Variants in CLIP1 observed in about 807,000 individuals in gnomAD.
CLIP1 encodes the protein CAP-Gly domain-containing linker protein 1.
CLIP1 carries 66 observed loss-of-function variants against 161.6 expected under a neutral mutation model. The observed-to-expected ratio is 0.41, with a 90% confidence interval of 0.33 to 0.50. The LOEUF (loss-of-function observed/expected upper bound fraction) is 0.50, where lower values mean the gene tolerates loss of function less well. Among genes scored for constraint, CLIP1 ranks in the 20% least tolerant of loss-of-function variants. CLIP1 has a pLI of 0.27. For missense variants in CLIP1, 1,376 were observed against 1,702.0 expected (o/e 0.81, Z 3.37); for synonymous variants, 598 against 626.2 (o/e 0.96, Z 0.67).
In CLIP1 at chr12:122,272,970, G is replaced by T. The variant is rs772128872; in HGVS notation, c.4222C>A (p.His1408Asn). The change falls in exon 26 of 26, where the codon CAC becomes AAC. Residue 1408 changes from histidine to asparagine, a missense_variant. Transcript: ENST00000620786. ...QMSEDPPHSTHHGSRGEERPY... is the reference protein window; with the variant it reads ...QMSEDPPHSTNHGSRGEERPY... ...CGTTCCTCACCCCGACTGCCATGGT[G>T]TGTGGAATGGGGAGGGTCCTCTGAC... 2 of 1,614,234 alleles carry T rather than the reference G, an allele frequency of 1.2e-6. No individual in the cohort carries two copies. Among genetic ancestry groups the T allele is most frequent in the East Asian group, 2.2e-5 (1 of 44,892 alleles).
chr12:122,373,449 T>C (rs1380929849), intron 3 of CLIP1, among the ~76,000 whole-genome samples: 1 of 143,056 alleles, frequency 7.0e-6, no homozygotes, highest in African/African-American at 2.6e-5. Flanking sequence ...AAAAAGTTAA[T>C]ATGGTAAATG....
At chr12:122,422,798 C>T (rs1300937486), upstream of CLIP1, among the ~76,000 whole-genome samples, 31 of 120,952 alleles carry the variant, frequency 2.6e-4, 1 homozygote, top group African/African-American at 7.4e-4. Context: ...GCCGCCCCGC[C>T]GCCTCTTTGT....
Position 122,299,899 on chromosome 12 carries a change from G to C in CLIP1, c.3594+9863C>G, listed in dbSNP as rs549252022. Among the ~76,000 whole-genome samples, 6 of 150,878 alleles carry C rather than the reference G, an allele frequency of 4.0e-5. No homozygotes were observed. The East Asian group carries it at 1.2e-3, about 29-fold the overall frequency. On this transcript the variant is annotated intron_variant, in intron 20 of 25. Transcript: ENST00000620786. ...CCACTGCACTCCAGCCTGGGCGACA[G>C]AGCAAGACTCTGTCTCAAAAAAAAA...
intron 3 of CLIP1, among the ~76,000 whole-genome samples, chr12:122,372,435 AGTCGG>A (rs1417052968): frequency 6.7e-6 from 1 of 149,778 alleles, no homozygotes; most frequent in Non-Finnish European, 1.5e-5. Context: ...AAAAAAAATT[AGTCGG>A]GTGTGGTGGT....
chr12:122,290,571 T>G (rs1956057890), intron 20 of CLIP1, among the ~76,000 whole-genome samples: 1 of 152,006 alleles, frequency 6.6e-6, no homozygotes. Flanking sequence ...ACTGGAAAAT[T>G]TTTACAATGA....
chr12:122,284,451 G>A (rs1226919905), intron 21 of CLIP1, among the ~76,000 whole-genome samples: 1 of 151,668 alleles, frequency 6.6e-6, no homozygotes, highest in Non-Finnish European at 1.5e-5. Context: ...ATCCCGGGTT[G>A]AAGCGATTCT....
At position 122,272,771 on chromosome 12, in the gene CLIP1, A is replaced by T; in HGVS notation, c.*104T>A. ...TTTCCTAGATTTGTTGACGGGGTTA[A>T]AAAATAACATGAGTTCTCCTGAAGT... On this transcript the variant is annotated 3_prime_UTR_variant, in exon 26 of 26. Coordinates refer to ENST00000620786, the MANE Select transcript of CLIP1 (RefSeq NM_001247997.2). The T allele has an allele frequency of 2.9e-6, 3 of 1,017,810 alleles. No homozygotes were observed. Among genetic ancestry groups the T allele is most frequent in the Non-Finnish European group, 4.5e-6 (3 of 667,776 alleles). 63.0% of individuals were successfully genotyped at this position (1,017,810 alleles called of 1,614,324 possible). A position where few individuals can be genotyped will look rare whatever the true frequency, so the allele number is the denominator to read the frequency against.
chr12:122,405,837 G>C (rs1956309256), intron 1 of CLIP1, among the ~76,000 whole-genome samples: 1 of 152,004 alleles, frequency 6.6e-6, no homozygotes, highest in African/African-American at 2.4e-5. Context: ...GGGAGGACAA[G>C]GCGAGCGGAT....
At chr12:122,398,190 C>T (rs982316862) in intron 1 of CLIP1, among the ~76,000 whole-genome samples, 3 of 149,218 alleles carry the variant, frequency 2.0e-5, no homozygotes, top group Admixed American at 1.3e-4. Context: ...CCAAGGCAGC[C>T]GGATCACCAG....
At position 122,276,343 on chromosome 12, in the gene CLIP1, A is replaced by T. The variant is rs1192923724; in HGVS notation, c.3966+1811T>A. On this transcript the variant is annotated intron_variant, in intron 24 of 25. Transcript: ENST00000620786. The stretch of plus-strand genomic sequence containing the variant: ...GTGTTAAGAGCTCCATTTCAGGAAG[A>T]AGAAAAAGCCACAAAATGGACATAA... 3.3e-6 allele frequency: 4 copies of T among 1,225,236 alleles called. No homozygotes were observed. In the African/African-American group the frequency reaches 6.4e-5, roughly 20 times the overall value. 75.9% of individuals were successfully genotyped at this position (1,225,236 alleles called of 1,614,324 possible).
chr12:122,357,721 G>A (rs1398552084), intron 5 of CLIP1, among the ~76,000 whole-genome samples: 10 of 147,784 alleles, frequency 6.8e-5, no homozygotes, highest in Non-Finnish European at 1.4e-4. Flanking sequence ...CAGCCGCCCC[G>A]TCCGGGAGGT....
chr12:122,343,631 C>T (rs1236451254), intron 10 of CLIP1: 1 of 152,178 alleles, frequency 6.6e-6, no homozygotes, highest in Non-Finnish European at 1.5e-5. Context: ...GTACATCTAA[C>T]CTGCAAGTTT....
At chr12:122,350,133 A>T (rs542807322) in intron 9 of CLIP1, among the ~76,000 whole-genome samples, 1 of 152,038 alleles carries the variant, frequency 6.6e-6, no homozygotes, top group South Asian at 2.1e-4. Context: ...TCAAACTCCT[A>T]ACCTTAGGTG....
At position 122,403,494 on chromosome 12, in the gene CLIP1, G is replaced by GT. The variant is rs1036910823; in HGVS notation, c.-107+19026dup. ...AATACAGTAGGAGACATCATTTCTT[G>GT]TTTTGTTTTTTTTTTTTTTTTTTTT... On this transcript the variant is annotated intron_variant, in intron 1 of 25. Transcript: ENST00000620786. 5.5e-3 allele frequency among the ~76,000 whole-genome samples: 304 copies of GT among 55,762 alleles called. 1 individual carries two copies. The highest frequency in any genetic ancestry group is 0.012 in the African/African-American group (255 of 20,880). 36.6% of individuals were successfully genotyped at this position (55,762 alleles called of 152,430 possible).
chr12:122,341,748 G>C, intron 10 of CLIP1, 51 bp from the exon 11 acceptor site: 1 of 215,986 alleles, frequency 4.6e-6, no homozygotes, highest in African/African-American at 2.7e-5. Context: ...ACAAGTCATT[G>C]ACTATTTTCT....
intron 1 of CLIP1, among the ~76,000 whole-genome samples, chr12:122,418,688 G>A (rs570646841): frequency 4.6e-5 from 7 of 152,248 alleles, no homozygotes; most frequent in African/African-American, 1.7e-4. Flanking sequence ...GAGCCCAGGA[G>A]GGAGTTCAAG....
chr12:122,319,996 C>T (rs111816029), intron 17 of CLIP1, among the ~76,000 whole-genome samples: 3,163 of 152,180 alleles, frequency 0.021, 64 homozygotes, highest in African/African-American at 0.05. Flanking sequence ...AGATATAGGC[C>T]GGGCGCAGTG....
intron 20 of CLIP1, among the ~76,000 whole-genome samples, chr12:122,291,705 C>T (rs542114714): frequency 4.4e-4 from 67 of 152,132 alleles, no homozygotes; most frequent in Non-Finnish European, 1.5e-4. Context: ...GTGAGGTTAA[C>T]TTCGGTCACT....
intron 19 of CLIP1, among the ~76,000 whole-genome samples, chr12:122,310,996 C>G (rs1951044504): frequency 6.6e-6 from 1 of 152,060 alleles, no homozygotes; most frequent in African/African-American, 2.4e-5. Flanking sequence ...CTAAATTAGG[C>G]TTTTTACAGA....
Sources: gnomAD v4.1 joint callset for allele counts (sites outside exome capture counted in the v4.1 genomes callset) on GRCh38, gnomAD v4.1.1 for gene constraint, MANE v1.5 for transcripts, NCBI Gene and HGNC (gene_info 2026-07-23, HGNC 2026-07-21) for gene names.